The following SUB1 variants were observed in gnomAD, a reference collection of about 807,000 sequenced individuals.
The protein encoded by SUB1 is activated RNA polymerase II transcriptional coactivator p15.
SUB1 carries 1 observed loss-of-function variant against 16.9 expected under a neutral mutation model. The observed-to-expected ratio is 0.06, with a 90% CI of 0.02 to 0.28. SUB1 has a LOEUF of 0.28. Ranked by LOEUF, SUB1 falls within the 10% of genes least tolerant of loss-of-function variation. The probability of loss-of-function intolerance (pLI) is 1.00; values close to 1 mark genes in which losing one functional copy is unlikely to be tolerated. For synonymous variants in SUB1, 51 were observed against 46.9 expected, an observed-to-expected ratio of 1.09 and a Z score of -0.36; for missense variants, 84 against 145.2, an observed-to-expected ratio of 0.58 and a Z score of 2.16.
chr5:32,598,707 C>G (rs945863863), intron 3 of SUB1: 1 of 306,960 alleles, frequency 3.3e-6, no homozygotes, highest in African/African-American at 2.2e-5. Context: ...TTCGTTATTT[C>G]TAGGCTATGC....
chr5:32,598,964 G>A lies in SUB1; in HGVS notation c.199G>A (p.Gly67Arg). Reference protein sequence around the residue: ...SSRDDNMFQIGKMRYVSVRDF... With the variant: ...SSRDDNMFQIRKMRYVSVRDF... ...TTTATGTTTGTTTCTTTTGCAGATT[G>A]GGAAAATGAGGTACGTTAGTGTTCG... is the stretch of plus-strand genomic sequence containing the variant. Residue 67 changes from glycine (G) to arginine (R), a missense_variant, in exon 4 of 5, where the codon GGG (glycine) becomes AGG (arginine). Gly to Arg is a moderately radical substitution (Grantham distance 125). Coordinates refer to ENST00000265073, the MANE Select transcript of SUB1 (RefSeq NM_006713.4). 2.5e-6 allele frequency: 4 copies of A among 1,610,090 alleles called. No homozygotes were observed. The highest frequency in any genetic ancestry group is 3.4e-6 in the Non-Finnish European group (4 of 1,177,864).
chr5:32,597,947 T>G (rs1262769777), intron 3 of SUB1: 2 of 152,356 alleles, frequency 1.3e-5, no homozygotes, highest in African/African-American at 4.8e-5. Flanking sequence ...TAGTTTACGT[T>G]GTCTGTTTAT....
rs182526631 is a variant in SUB1, at chr5:32,599,118, A to G, written c.304+49A>G. The G allele has an allele frequency of 2.4e-3, 3,355 of 1,388,298 alleles. 5 individuals carry two copies. Among genetic ancestry groups the G allele is most frequent in the Non-Finnish European group, 2.9e-3 (2,838 of 985,814 alleles). 86.0% of individuals were successfully genotyped at this position (1,388,298 alleles called of 1,614,324 possible). On this transcript the variant is annotated intron_variant, in intron 4 of 4. Coordinates refer to ENST00000265073, the MANE Select transcript of SUB1 (RefSeq NM_006713.4). ...TATTACAGTGTTAGGACTAAACGAC[A>G]ACTTTTCTGAGTAGCTTACTTGAAA... is the stretch of plus-strand genomic sequence containing the variant.
chr5:32,585,921 C>G (rs1013021820), intron 1 of SUB1: 3 of 152,632 alleles, frequency 2.0e-5, no homozygotes, highest in Non-Finnish European at 4.4e-5. Context: ...TGAGGAGTCG[C>G]GGGGAGAGAG....
intron 3 of SUB1, chr5:32,595,067 TTAAG>T (rs1374857306): frequency 1.3e-5 from 2 of 152,972 alleles, no homozygotes; most frequent in South Asian, 4.1e-4. Context: ...TTTTCTATCT[TTAAG>T]TAATATATCC....
chr5:32,598,884 G>T, intron 3 of SUB1, 77 bp from the exon 4 acceptor site: 1 of 1,126,006 alleles, frequency 8.9e-7, no homozygotes. Context: ...CATGCAGCAA[G>T]TTGTGAATAT....
chr5:32,597,914 T>C (rs1375720696), intron 3 of SUB1: 1 of 152,188 alleles, frequency 6.6e-6, no homozygotes, highest in African/African-American at 2.4e-5. Flanking sequence ...TTTACTGTAC[T>C]GTATGGTGTT....
At chr5:32,586,314 C>G (rs1214379881) in intron 1 of SUB1, 6 of 152,128 alleles carry the variant, frequency 3.9e-5, no homozygotes, top group African/African-American at 1.4e-4. Flanking sequence ...AGTCGTGTGC[C>G]CTTCAGTCCT....
At chr5:32,595,923 T>G (rs1738950651) in intron 3 of SUB1, 1 of 152,230 alleles carries the variant, frequency 6.6e-6, no homozygotes, top group South Asian at 2.1e-4. Context: ...ATTGTACATC[T>G]TTAGTGTGTT....
chr5:32,592,625 A>G (rs1191058863), intron 3 of SUB1, among the ~76,000 whole-genome samples: 2 of 152,216 alleles, frequency 1.3e-5, no homozygotes, highest in Non-Finnish European at 2.9e-5. Context: ...AGAAGAAATT[A>G]TGCCAATTAC....
At chr5:32,590,785 T>TTG (rs1561033588) in intron 2 of SUB1, among the ~76,000 whole-genome samples, 1 of 131,860 alleles carries the variant, frequency 7.6e-6, no homozygotes, top group Non-Finnish European at 1.6e-5. Flanking sequence ...TTTTTTTTTT[T>TTG]GAGATGGAGT....
At chr5:32,598,812 G>A in intron 3 of SUB1, 149 bp from the exon 4 acceptor site, 1 of 632,112 alleles carries the variant, frequency 1.6e-6, no homozygotes, top group Non-Finnish European at 2.8e-6. Flanking sequence ...GACCTGCACA[G>A]TTCAGAGCCA....
chr5:32,595,968 C>CTT (rs1738952117), intron 3 of SUB1: 1 of 64,668 alleles, frequency 1.5e-5, no homozygotes, highest in African/African-American at 4.5e-5. Flanking sequence ...TGAAGAGTAT[C>CTT]TTTTGGCCAC....
At chr5:32,592,035 T>C (rs148374437) in intron 3 of SUB1, among the ~76,000 whole-genome samples, 1 of 152,350 alleles carries the variant, frequency 6.6e-6, no homozygotes, top group East Asian at 1.9e-4. Context: ...GGAATTATTA[T>C]CTGGCTTGAT....
chr5:32,598,593 T>C (rs1229323425), intron 3 of SUB1: 2 of 162,582 alleles, frequency 1.2e-5, no homozygotes, highest in African/African-American at 2.4e-5. Context: ...TCTCTCTAAC[T>C]TCATATAATA....
At chr5:32,586,792 CG>C (rs1183807973) in intron 1 of SUB1, among the ~76,000 whole-genome samples, 4 of 152,172 alleles carry the variant, frequency 2.6e-5, no homozygotes, top group African/African-American at 9.6e-5. Flanking sequence ...ACAGGAAAAA[CG>C]GATAAAACGT....
At chr5:32,587,467 C>A (rs920539628) in intron 1 of SUB1, among the ~76,000 whole-genome samples, 1 of 152,114 alleles carries the variant, frequency 6.6e-6, no homozygotes, top group African/African-American at 2.4e-5. Flanking sequence ...TGGGAAGTTA[C>A]CAGCATGGTA....
chr5:32,601,175 C>G lies in SUB1; in HGVS notation c.*91C>G. ...TTTTGTTTTCTAAATGTTCTCCAAGCTATTGTATGTTTGGATTGCAGAAGA... is the reference window on the plus strand; with the variant it reads ...TTTTGTTTTCTAAATGTTCTCCAAGGTATTGTATGTTTGGATTGCAGAAGA... On this transcript the variant is annotated 3_prime_UTR_variant, in exon 5 of 5. Coordinates refer to ENST00000265073, the MANE Select transcript of SUB1 (RefSeq NM_006713.4). 1.9e-6 allele frequency: 2 copies of G among 1,031,172 alleles called. No individual in the cohort carries two copies. Among genetic ancestry groups the G allele is most frequent in the East Asian group, 2.6e-5 (1 of 39,102 alleles). 63.9% of individuals were successfully genotyped at this position (1,031,172 alleles called of 1,614,324 possible). A position where few individuals can be genotyped will look rare whatever the true frequency, so the allele number is the denominator to read the frequency against.
At chr5:32,595,798 T>A (rs1374319694) in intron 3 of SUB1, 2 of 152,248 alleles carry the variant, frequency 1.3e-5, no homozygotes, top group Non-Finnish European at 2.9e-5. Flanking sequence ...TTGCTCCACA[T>A]CCTCGCTAGA....
Sources: allele counts gnomAD v4.1 joint callset (sites outside exome capture counted in the v4.1 genomes callset), GRCh38; gene constraint gnomAD v4.1.1; transcripts MANE v1.5; gene names NCBI Gene and HGNC (gene_info 2026-07-23, HGNC 2026-07-21).